The following STOX1 variants were observed in gnomAD, a reference collection of about 807,000 sequenced individuals.
STOX1 encodes the protein storkhead-box protein 1.
Under a neutral mutation model 74.8 loss-of-function variants are expected in STOX1, and 57 were observed. The ratio of observed to expected loss-of-function variants is 0.76; its 90% CI spans 0.62 to 0.95. STOX1 has a LOEUF of 0.95. STOX1 is among the 40% of genes least tolerant of loss of function. STOX1 has a pLI of 0.00. For synonymous variants in STOX1, 375 were observed against 401.3 expected (o/e 0.93, Z 0.78); for missense variants, 1,010 against 1,117.0 (o/e 0.90, Z 1.37).
chr10:68,894,386 C>T (rs1315632218), downstream of STOX1, among the ~76,000 whole-genome samples: 8 of 152,164 alleles, frequency 5.3e-5, no homozygotes, highest in Non-Finnish European at 2.9e-5. Context: ...TCTCACCATA[C>T]TGACAACAGT....
chr10:68,828,425 C>A (rs549979677), intron 1 of STOX1, among the ~76,000 whole-genome samples: 1 of 152,234 alleles, frequency 6.6e-6, no homozygotes, highest in African/African-American at 2.4e-5. Flanking sequence ...TCCGGGGGGC[C>A]AAGACGCCCC....
intron 1 of STOX1, among the ~76,000 whole-genome samples, chr10:68,829,273 G>C (rs2133477914): frequency 6.6e-6 from 1 of 152,374 alleles, no homozygotes; most frequent in South Asian, 2.1e-4. Flanking sequence ...TCAGGAGTTA[G>C]AGACCAGCCT....
chr10:68,886,454 G>GA lies in STOX1; in HGVS notation c.2659dup (p.Ser887LysfsTer33). 1 of 1,614,154 alleles carries GA rather than the reference G, an allele frequency of 6.2e-7. No individual in the cohort carries two copies. Among genetic ancestry groups the GA allele is most frequent in the South Asian group, 1.1e-5 (1 of 91,064 alleles). On this transcript the variant is annotated frameshift_variant, in exon 3 of 4. Transcript: ENST00000298596. LOFTEE classifies it high-confidence loss of function. Reference sequence around the variant, plus strand: ...GAAAGAAGCCAGCTAGCTGGAGTCAGAGTCCTCAGAATCAGGAAATGAGAA... The same window carrying GA: ...GAAAGAAGCCAGCTAGCTGGAGTCAGAAGTCCTCAGAATCAGGAAATGAGAA...
chr10:68,855,650 A>T (rs1162053340), intron 1 of STOX1, among the ~76,000 whole-genome samples: 2 of 150,866 alleles, frequency 1.3e-5, no homozygotes, highest in African/African-American at 2.5e-5. Flanking sequence ...TCATTATATT[A>T]CCCAGGCTGG....
At chr10:68,855,963 C>T (rs768091837) in intron 1 of STOX1, among the ~76,000 whole-genome samples, 2 of 151,958 alleles carry the variant, frequency 1.3e-5, no homozygotes, top group African/African-American at 4.8e-5. Flanking sequence ...ATGTGTGGAC[C>T]GTATGTGAGC....
chr10:68,878,957 C>T (rs1235381060), intron 1 of STOX1, among the ~76,000 whole-genome samples: 2 of 152,180 alleles, frequency 1.3e-5, no homozygotes, highest in African/African-American at 4.8e-5. Context: ...CCCTAACCCT[C>T]TACCAGTCCA....
intron 1 of STOX1, among the ~76,000 whole-genome samples, chr10:68,865,424 T>C (rs979607667): frequency 6.6e-6 from 1 of 152,110 alleles, no homozygotes; most frequent in Non-Finnish European, 1.5e-5. Context: ...CCGAGGCGTG[T>C]GGATCACGAG....
chr10:68,838,593 A>G lies in STOX1; in HGVS notation c.310+10660A>G, dbSNP rs937962433. Among the ~76,000 whole-genome samples, 12 of 152,022 alleles carry G rather than the reference A, an allele frequency of 7.9e-5. No individual in the cohort carries two copies. In the South Asian group the frequency reaches 2.1e-3, roughly 26 times the overall value. On this transcript the variant is annotated intron_variant, in intron 1 of 3. Coordinates refer to ENST00000298596, the MANE Select transcript of STOX1 (RefSeq NM_152709.5). ...TTTTTCTTGGCTAATTCCTCTGGGT[A>G]GGACTTCCAGTAATATGTTGAAAAA...
intron 1 of STOX1, among the ~76,000 whole-genome samples, chr10:68,860,707 G>A (rs549930289): frequency 6.6e-6 from 1 of 152,010 alleles, no homozygotes; most frequent in East Asian, 1.9e-4. Context: ...TTGATTGGGT[G>A]TGTGTGTTAA....
chr10:68,886,544 C>T lies in STOX1; in HGVS notation c.2748C>T (p.Val916=), dbSNP rs1442943553. The T allele has an allele frequency of 1.2e-6, 2 of 1,613,970 alleles. No individual in the cohort carries two copies. Among genetic ancestry groups the T allele is most frequent in the African/African-American group, 2.7e-5 (2 of 74,896 alleles). Residue 916 remains valine (V), a synonymous_variant, in exon 3 of 4, where the codon GTC becomes GTT. Coordinates refer to ENST00000298596, the MANE Select transcript of STOX1 (RefSeq NM_152709.5). ...ATATGCCAGTGTTGGCTCAGGATGT[C>T]CAATATGAACACAGTCACTTGGAAG... ...TSHMPVLAQD[V]QYEHSHLEGT...
chr10:68,893,857 G>C (rs576440821), downstream of STOX1, among the ~76,000 whole-genome samples: 2 of 152,298 alleles, frequency 1.3e-5, no homozygotes, highest in South Asian at 4.1e-4. Flanking sequence ...GGTGGAAGGA[G>C]TCTGGTAGAC....
At chr10:68,851,315 AAG>A (rs1839978662) in intron 1 of STOX1, among the ~76,000 whole-genome samples, 1 of 151,546 alleles carries the variant, frequency 6.6e-6, no homozygotes, top group African/African-American at 2.4e-5. Flanking sequence ...AAAAAAAAAA[AAG>A]AAAAAAGAGT....
chr10:68,874,137 A>G (rs535153850), intron 1 of STOX1, among the ~76,000 whole-genome samples: 53 of 151,522 alleles, frequency 3.5e-4, no homozygotes, highest in African/African-American at 1.2e-3. Flanking sequence ...ACCTAAAACA[A>G]TAGCCAAAAA....
At position 68,832,732 on chromosome 10, in the gene STOX1, A is replaced by G. The variant is rs117814149; in HGVS notation, c.310+4799A>G. Among the ~76,000 whole-genome samples the G allele has an allele frequency of 1.5e-3, 231 of 150,692 alleles. 5 individuals carry two copies. In the East Asian group the frequency reaches 0.029, roughly 19 times the overall value. On this transcript the variant is annotated intron_variant, in intron 1 of 3. Transcript: ENST00000298596. ...AAATACTTGCTTCATGAATTCATTCATGAGCCAGGTACTGTTCTAGGTGTT... is the reference window on the plus strand; with the variant it reads ...AAATACTTGCTTCATGAATTCATTCGTGAGCCAGGTACTGTTCTAGGTGTT...
intron 1 of STOX1, among the ~76,000 whole-genome samples, chr10:68,880,328 C>T (rs757187126): frequency 6.6e-6 from 1 of 152,008 alleles, no homozygotes; most frequent in Non-Finnish European, 1.5e-5. Context: ...ACAGGCACAC[C>T]ACCATCCTGG....
intron 1 of STOX1, among the ~76,000 whole-genome samples, chr10:68,867,686 C>T (rs555111791): frequency 1.3e-5 from 2 of 152,370 alleles, no homozygotes; most frequent in Non-Finnish European, 2.9e-5. Flanking sequence ...TCTCCTTCCT[C>T]CTCATTGTCA....
intron 1 of STOX1, among the ~76,000 whole-genome samples, chr10:68,866,008 G>A (rs1349303455): frequency 6.6e-6 from 1 of 151,936 alleles, no homozygotes; most frequent in African/African-American, 2.4e-5. Context: ...CTTTCTGCTT[G>A]AAGTGGTTCC....
intron 1 of STOX1, among the ~76,000 whole-genome samples, chr10:68,865,196 T>C (rs1407441778): frequency 1.3e-5 from 2 of 152,340 alleles, no homozygotes; most frequent in East Asian, 3.9e-4. Context: ...GTCTGGCAAA[T>C]TGTTGGACTG....
intron 2 of STOX1, among the ~76,000 whole-genome samples, chr10:68,882,313 A>G (rs1840830120): frequency 6.6e-6 from 1 of 152,182 alleles, no homozygotes; most frequent in African/African-American, 2.4e-5. Context: ...ACTTTTCCAA[A>G]AATAAATGCT....
Sources: allele counts gnomAD v4.1 joint callset (sites outside exome capture counted in the v4.1 genomes callset), GRCh38; gene constraint gnomAD v4.1.1; transcripts MANE v1.5; gene names NCBI Gene and HGNC (gene_info 2026-07-23, HGNC 2026-07-21).